The following COLEC11 variants were observed in gnomAD, a reference collection of about 807,000 sequenced individuals.
COLEC11 encodes collectin subfamily member 11.
Under a neutral mutation model 27.3 loss-of-function variants are expected in COLEC11, and 20 were observed. The observed-to-expected ratio is 0.73, with a 90% CI of 0.51 to 1.06. COLEC11 has a LOEUF of 1.06. Among genes scored for constraint, COLEC11 ranks in the 50% least tolerant of loss-of-function variants. The pLI, the probability that COLEC11 is intolerant of heterozygous loss-of-function variation, is 0.00. For synonymous variants in COLEC11, 163 were observed against 154.7 expected, an observed-to-expected ratio of 1.05 and a Z score of -0.40; for missense variants, 310 against 383.0, an observed-to-expected ratio of 0.81 and a Z score of 1.59.
chr2:3,610,215 C>T (rs2147873608), intron 2 of COLEC11, among the ~76,000 whole-genome samples: 1 of 152,350 alleles, frequency 6.6e-6, no homozygotes, highest in Middle Eastern at 3.4e-3. Context: ...GTGTCTTCAC[C>T]TCTAGAGTGG....
chr2:3,626,632 T>C (rs1013362361), intron 3 of COLEC11, among the ~76,000 whole-genome samples: 2 of 152,256 alleles, frequency 1.3e-5, no homozygotes, highest in Non-Finnish European at 2.9e-5. Context: ...TTCCGGCCTC[T>C]GCAATAACCA....
Position 3,606,845 on chromosome 2 carries a change from C to G in COLEC11, c.130+2375C>G, listed in dbSNP as rs577671093. On this transcript the variant is annotated intron_variant, in intron 2 of 6. Transcript: ENST00000349077. ...GCCGGCCCCAGCATGTGCCGTAGCCCCCCAGGGTCGCTGGAGGTCAAAGAG... is the reference window on the plus strand; with the variant it reads ...GCCGGCCCCAGCATGTGCCGTAGCCGCCCAGGGTCGCTGGAGGTCAAAGAG... 4.6e-5 allele frequency among the ~76,000 whole-genome samples: 7 copies of G among 152,350 alleles called. No individual in the cohort carries two copies. In the South Asian group the frequency reaches 1.4e-3, roughly 32 times the overall value.
chr2:3,640,777 TGGACACCCACCCCCGTCACATCCCACAGC>T (rs1665794186), intron 5 of COLEC11, among the ~76,000 whole-genome samples: 2 of 38,090 alleles, frequency 5.3e-5, no homozygotes, highest in African/African-American at 2.0e-4. Context: ...GATCCCACAG[TGGACACCCACCCCCGTCACATCCCACAGC>T]GGACACCCAC....
intron 3 of COLEC11, chr2:3,617,790 C>CT: frequency 1.2e-6 from 1 of 837,012 alleles, no homozygotes; most frequent in South Asian, 1.5e-5. Flanking sequence ...AGCCTCTGTA[C>CT]TGTTTTCCAT....
chr2:3,627,711 G>A (rs1033592915), intron 3 of COLEC11, among the ~76,000 whole-genome samples: 1 of 151,342 alleles, frequency 6.6e-6, no homozygotes, highest in South Asian at 2.1e-4. Context: ...GTGGATCTAG[G>A]TATGACGATG....
At chr2:3,641,775 C>T (rs545577977) in intron 5 of COLEC11, among the ~76,000 whole-genome samples, 113 of 152,236 alleles carry the variant, frequency 7.4e-4, no homozygotes, top group South Asian at 2.7e-3. Flanking sequence ...ACGTGATTGC[C>T]GACGTCCAGA....
intron 3 of COLEC11, among the ~76,000 whole-genome samples, chr2:3,629,311 T>C (rs1572450106): frequency 6.6e-6 from 1 of 152,220 alleles, no homozygotes; most frequent in East Asian, 1.9e-4. Context: ...AAATAGAATA[T>C]TTCTGTCAGA....
intron 3 of COLEC11, among the ~76,000 whole-genome samples, chr2:3,617,221 G>A (rs1016058129): frequency 3.3e-5 from 5 of 150,972 alleles, no homozygotes; most frequent in Admixed American, 1.3e-4. Flanking sequence ...TTGACAAAAA[G>A]AAAAAAATGG....
chr2:3,602,818 C>G lies in COLEC11; in HGVS notation c.-26-1497C>G, dbSNP rs1380739040. Reference sequence around the variant, plus strand: ...GCTTTCTCTGAGCCGCCCTCACCCACCTGTCAGCGAGGCTTCCCTGGCAAC... The same window carrying G: ...GCTTTCTCTGAGCCGCCCTCACCCAGCTGTCAGCGAGGCTTCCCTGGCAAC... On this transcript the variant is annotated intron_variant, in intron 1 of 6. Coordinates refer to ENST00000349077, the MANE Select transcript of COLEC11 (RefSeq NM_024027.5). The surrounding 1 kb of genome is among the most constrained non-coding windows in gnomAD (Gnocchi z 6.2). 6.6e-6 allele frequency among the ~76,000 whole-genome samples: 1 copy of G among 152,246 alleles called. No individual in the cohort carries two copies. Among genetic ancestry groups the G allele is most frequent in the South Asian group, 2.1e-4 (1 of 4,838 alleles).
In COLEC11 at chr2:3,640,184, C is replaced by T. The variant is rs17017804; in HGVS notation, c.275-94C>T. On this transcript the variant is annotated intron_variant, in intron 4 of 6. Coordinates refer to ENST00000349077, the MANE Select transcript of COLEC11 (RefSeq NM_024027.5). ...GCAACAAGAGGGCCTGGGATAAATC[C>T]GCGAGACAAATCACATTTTCAGTCT... 7,734 of 811,680 alleles carry T rather than the reference C, an allele frequency of 9.5e-3. 214 individuals are homozygous for T. Among genetic ancestry groups the T allele is most frequent in the African/African-American group, 0.079 (4,710 of 59,738 alleles). The allele number at this position is 811,680 out of a possible 1,614,324, so 50.3% of individuals were successfully genotyped here. A position where few individuals can be genotyped will look rare whatever the true frequency, so the allele number is the denominator to read the frequency against.
At chr2:3,616,747 G>A (rs983316449) in intron 3 of COLEC11, among the ~76,000 whole-genome samples, 9 of 152,034 alleles carry the variant, frequency 5.9e-5, no homozygotes, top group African/African-American at 9.7e-5. Context: ...GAGGGAGATC[G>A]TGGAAAGAGA....
At position 3,643,738 on chromosome 2, in the gene COLEC11, G is replaced by A. The variant is rs1666061134; in HGVS notation, c.436G>A (p.Val146Met). ...LKFIKNAVAGVRETESKIYLL... is the reference protein window; with the variant it reads ...LKFIKNAVAGMRETESKIYLL... ...GCCTTACCCCACAGCTGTCGCCGGT[G>A]TGCGCGAGACGGAGAGCAAGATCTA... Residue 146 changes from valine (V) to methionine (M), a missense_variant, in exon 7 of 7, where the codon GTG becomes ATG. By Grantham distance (21) the Val-to-Met change is conservative. Coordinates refer to ENST00000349077, the MANE Select transcript of COLEC11 (RefSeq NM_024027.5). 2.5e-6 allele frequency: 4 copies of A among 1,613,564 alleles called. 1 individual carries two copies. Among genetic ancestry groups the A allele is most frequent in the African/African-American group, 2.7e-5 (2 of 74,956 alleles).
chr2:3,616,443 C>T (rs1403316045), intron 3 of COLEC11, among the ~76,000 whole-genome samples: 54 of 152,032 alleles, frequency 3.6e-4, no homozygotes, highest in South Asian at 8.3e-4. Flanking sequence ...GCCGAGATCA[C>T]GCCACTGCAC....
intron 2 of COLEC11, among the ~76,000 whole-genome samples, chr2:3,611,538 T>C (rs1471066359): frequency 6.6e-6 from 1 of 152,240 alleles, no homozygotes; most frequent in African/African-American, 2.4e-5. Flanking sequence ...TTAGTGGATA[T>C]TTCTTGCTAA....
At chr2:3,607,532 C>T (rs1419120464) in intron 2 of COLEC11, among the ~76,000 whole-genome samples, 2 of 142,722 alleles carry the variant, frequency 1.4e-5, no homozygotes, top group African/African-American at 2.5e-5. Flanking sequence ...ACTGCAGCCT[C>T]CGCCTCTCAG....
intron 4 of COLEC11, 86 bp from the exon 5 acceptor site, chr2:3,640,192 A>C (rs781685762): frequency 4.7e-6 from 4 of 858,332 alleles, no homozygotes; most frequent in African/African-American, 1.6e-5. Flanking sequence ...TCCGCGAGAC[A>C]AATCACATTT....
intron 3 of COLEC11, among the ~76,000 whole-genome samples, chr2:3,636,046 C>T (rs1171606080): frequency 2.0e-5 from 3 of 152,198 alleles, no homozygotes; most frequent in Non-Finnish European, 4.4e-5. Flanking sequence ...ATTGGGGGAA[C>T]GTTACATCTG....
At chr2:3,642,644 C>T (rs1197783223) in intron 5 of COLEC11, among the ~76,000 whole-genome samples, 1 of 152,250 alleles carries the variant, frequency 6.6e-6, no homozygotes, top group Non-Finnish European at 1.5e-5. Context: ...GAGTTCTGTA[C>T]CCCGGGCCCC....
chr2:3,620,281 T>G (rs2312926), intron 3 of COLEC11, among the ~76,000 whole-genome samples: 106,088 of 151,684 alleles, frequency 0.7, 37,379 homozygotes, highest in South Asian at 0.83. Flanking sequence ...ATTCAGTCTT[T>G]GTGGGTTGTA....
Sources: allele counts gnomAD v4.1 joint callset (sites outside exome capture counted in the v4.1 genomes callset), GRCh38; gene constraint gnomAD v4.1.1; non-coding constraint Gnocchi (gnomAD v3.1); transcripts MANE v1.5; gene names NCBI Gene and HGNC (gene_info 2026-07-23, HGNC 2026-07-21).